Variants in CDH4 observed in about 807,000 individuals in gnomAD.
CDH4 encodes the protein cadherin 4.
CDH4 carries 33 observed loss-of-function variants against 86.0 expected under a neutral mutation model. The ratio of observed to expected loss-of-function variants is 0.38; its 90% CI spans 0.29 to 0.51. The LOEUF is 0.51. Ranked by LOEUF, CDH4 falls within the 20% of genes least tolerant of loss-of-function variation. CDH4 has a pLI of 0.86. For missense variants in CDH4, 1,114 were observed against 1,307.4 expected (o/e 0.85, Z 2.28); for synonymous variants, 555 against 549.4 (o/e 1.01, Z -0.14).
intron 7 of CDH4, among the ~76,000 whole-genome samples, chr20:61,885,399 C>G (rs1168762202): frequency 1.3e-5 from 2 of 152,214 alleles, no homozygotes; most frequent in Non-Finnish European, 2.9e-5. Context: ...TGGGCTCCTT[C>G]CATGCATGGC....
chr20:61,515,830 T>C (rs1023955051), intron 2 of CDH4, among the ~76,000 whole-genome samples: 17 of 152,188 alleles, frequency 1.1e-4, no homozygotes, highest in Admixed American at 8.5e-4. Context: ...TAGCTCGCTC[T>C]CTCTCACTCT....
At chr20:61,513,790 C>T (rs2085797410) in intron 2 of CDH4, among the ~76,000 whole-genome samples, 1 of 152,206 alleles carries the variant, frequency 6.6e-6, no homozygotes, top group Non-Finnish European at 1.5e-5. Context: ...TGGCCACCCA[C>T]TCACTGGACA....
chr20:61,456,892 A>G (rs896129569), intron 2 of CDH4, among the ~76,000 whole-genome samples: 1 of 152,204 alleles, frequency 6.6e-6, no homozygotes, highest in Non-Finnish European at 1.5e-5. Flanking sequence ...CCTGGGGGTG[A>G]GTAAGTTAAC....
chr20:61,423,040 A>G (rs1024958689), intron 2 of CDH4, among the ~76,000 whole-genome samples: 1 of 152,174 alleles, frequency 6.6e-6, no homozygotes, highest in Admixed American at 6.5e-5. Flanking sequence ...AGTCGCAAAC[A>G]GGATGGCTGA....
chr20:61,860,761 G>A (rs919368715), intron 6 of CDH4, among the ~76,000 whole-genome samples: 3 of 152,206 alleles, frequency 2.0e-5, no homozygotes, highest in Non-Finnish European at 4.4e-5. Flanking sequence ...ACAAGCCACA[G>A]CTGGTTTCCC....
rs919790953 is a variant in CDH4, at chr20:61,709,035, C to T, written c.170-34528C>T. Among the ~76,000 whole-genome samples, 3 of 152,206 alleles carry T rather than the reference C, an allele frequency of 2.0e-5. No individual in the cohort carries two copies. The highest frequency in any genetic ancestry group is 6.5e-5 in the Admixed American group (1 of 15,280). On this transcript the variant is annotated intron_variant, in intron 2 of 15. Coordinates refer to ENST00000614565, the MANE Select transcript of CDH4 (RefSeq NM_001794.5). The surrounding 1 kb of genome is among the most constrained non-coding windows in gnomAD (Gnocchi z 4.8). ...TCAGGCTACACGGGCAGTGGGGCTGCGGCCCAGCTCAGGCCTGGCTCATGA... is the reference window on the plus strand; with the variant it reads ...TCAGGCTACACGGGCAGTGGGGCTGTGGCCCAGCTCAGGCCTGGCTCATGA...
At chr20:61,618,390 G>A (rs1159194973) in intron 2 of CDH4, among the ~76,000 whole-genome samples, 1 of 152,148 alleles carries the variant, frequency 6.6e-6, no homozygotes, top group Non-Finnish European at 1.5e-5. Flanking sequence ...GCTGGCTGAG[G>A]GGATTTTATT....
intron 8 of CDH4, among the ~76,000 whole-genome samples, chr20:61,899,466 C>T (rs1003790943): frequency 2.0e-5 from 3 of 152,096 alleles, no homozygotes; most frequent in East Asian, 1.9e-4. Flanking sequence ...CTCGCTCTGT[C>T]GCCCAGGCTG....
chr20:61,274,584 T>TA (rs1168713090), intron 2 of CDH4, among the ~76,000 whole-genome samples: 15 of 22,990 alleles, frequency 6.5e-4, no homozygotes, highest in African/African-American at 1.9e-3. Context: ...CTTGGGGGAG[T>TA]ACTGTGTGCA....
In CDH4 at chr20:61,480,202, T is replaced by A. The variant is rs1256364458; in HGVS notation, c.169+225265T>A. Reference sequence around the variant, plus strand: ...GGGCCCTATTTTTTCCCCAACAGACTCCCAATCCATCTCTTCCACCCCAGG... The same window carrying A: ...GGGCCCTATTTTTTCCCCAACAGACACCCAATCCATCTCTTCCACCCCAGG... On this transcript the variant is annotated intron_variant, in intron 2 of 15. Transcript: ENST00000614565. The surrounding 1 kb of genome is among the most constrained non-coding windows in gnomAD (Gnocchi z 5.2). Among the ~76,000 whole-genome samples the A allele has an allele frequency of 6.6e-6, 1 of 152,058 alleles. No individual in the cohort carries two copies. The highest frequency in any genetic ancestry group is 1.5e-5 in the Non-Finnish European group (1 of 67,996).
At chr20:61,564,408 G>T (rs768882266) in intron 2 of CDH4, among the ~76,000 whole-genome samples, 2 of 152,202 alleles carry the variant, frequency 1.3e-5, no homozygotes, top group African/African-American at 4.8e-5. Context: ...CTTGGGGGTA[G>T]ATCCCTCATG....
intron 2 of CDH4, among the ~76,000 whole-genome samples, chr20:61,513,267 G>A (rs1277756001): frequency 6.6e-6 from 1 of 152,202 alleles, no homozygotes; most frequent in Non-Finnish European, 1.5e-5. Flanking sequence ...GGGCTGTGAT[G>A]CCACAAGGCT....
intron 2 of CDH4, among the ~76,000 whole-genome samples, chr20:61,513,883 G>C (rs1404907796): frequency 6.6e-6 from 1 of 152,100 alleles, no homozygotes; most frequent in East Asian, 1.9e-4. Context: ...AACCCATCTG[G>C]GGTCCACTTG....
intron 4 of CDH4, among the ~76,000 whole-genome samples, chr20:61,827,773 G>A (rs943698437): frequency 2.6e-5 from 4 of 152,162 alleles, no homozygotes; most frequent in Non-Finnish European, 4.4e-5. Flanking sequence ...ACACCAGCAG[G>A]CAAATGAACA....
Position 61,517,911 on chromosome 20 carries a change from C to T in CDH4, c.170-225652C>T, listed in dbSNP as rs898173455. On this transcript the variant is annotated intron_variant, in intron 2 of 15. Transcript: ENST00000614565. The surrounding 1 kb of genome is among the most constrained non-coding windows in gnomAD (Gnocchi z 6.6). ...CCCATATACCCCTCAGGGTCCCTCC[C>T]CCAAATGCACAGACACAGCCAGACA... Among the ~76,000 whole-genome samples, 2 of 152,206 alleles carry T rather than the reference C, an allele frequency of 1.3e-5. No homozygotes were observed. The highest frequency in any genetic ancestry group is 4.8e-5 in the African/African-American group (2 of 41,460).
intron 6 of CDH4, among the ~76,000 whole-genome samples, chr20:61,855,540 C>T (rs1982960046): frequency 6.6e-6 from 1 of 152,222 alleles, no homozygotes; most frequent in African/African-American, 2.4e-5. Flanking sequence ...ACTGGCCTCT[C>T]TCCCGGAGAC....
intron 2 of CDH4, among the ~76,000 whole-genome samples, chr20:61,373,140 C>G (rs1473825497): frequency 6.6e-6 from 1 of 152,256 alleles, no homozygotes; most frequent in Non-Finnish European, 1.5e-5. Context: ...TGTCCCTTAA[C>G]TGGGCACGTC....
chr20:61,695,399 C>T (rs1157814945), intron 2 of CDH4, among the ~76,000 whole-genome samples: 5 of 152,132 alleles, frequency 3.3e-5, no homozygotes, highest in Admixed American at 2.0e-4. Flanking sequence ...CAGACCCGAA[C>T]GAGGGTCTGA....
chr20:61,756,001 C>T (rs377411168), intron 3 of CDH4, among the ~76,000 whole-genome samples: 137 of 152,334 alleles, frequency 9.0e-4, no homozygotes, highest in African/African-American at 3.0e-3. Flanking sequence ...GTGTTCACCA[C>T]GCCCAGCCCG....
Sources: gnomAD v4.1 joint callset for allele counts (sites outside exome capture counted in the v4.1 genomes callset) on GRCh38, gnomAD v4.1.1 for gene constraint, Gnocchi (gnomAD v3.1) non-coding constraint, MANE v1.5 for transcripts, NCBI Gene and HGNC (gene_info 2026-07-23, HGNC 2026-07-21) for gene names.